ZNF670: variants seen among roughly 807,000 people sequenced by gnomAD.
ZNF670 encodes zinc finger protein 670.
ZNF670 carries 7 observed loss-of-function variants against 10.9 expected under a neutral mutation model. That is an observed-to-expected ratio of 0.64 (90% CI 0.36 to 1.20). The LOEUF (loss-of-function observed/expected upper bound fraction) is 1.20, where lower values mean the gene tolerates loss of function less well. Among genes scored for constraint, ZNF670 ranks in the 50% most tolerant of loss-of-function variants. ZNF670 has a pLI of 0.02. For synonymous variants in ZNF670, 136 were observed against 152.7 expected, an observed-to-expected ratio of 0.89 and a Z score of 0.81; for missense variants, 446 against 458.6, an observed-to-expected ratio of 0.97 and a Z score of 0.25.
chr1:247,041,761 C>T (rs1035773132), intron 1 of ZNF670, among the ~76,000 whole-genome samples: 7 of 152,174 alleles, frequency 4.6e-5, no homozygotes, highest in African/African-American at 7.2e-5. Flanking sequence ...TTAAAATGGA[C>T]GGCTGAATTA....
chr1:247,054,888 T>C (rs149938674), intron 1 of ZNF670, among the ~76,000 whole-genome samples: 1 of 152,028 alleles, frequency 6.6e-6, no homozygotes, highest in African/African-American at 2.4e-5. Context: ...AAACATACAA[T>C]GGATACATAA....
intron 1 of ZNF670, among the ~76,000 whole-genome samples, chr1:247,063,548 A>G (rs1042883364): frequency 2.8e-5 from 4 of 142,508 alleles, no homozygotes; most frequent in African/African-American, 5.3e-5. Flanking sequence ...GTGCCACTGC[A>G]CTCCAGCCTG....
At chr1:247,077,266 G>A (rs553490887) in intron 1 of ZNF670, among the ~76,000 whole-genome samples, 1 of 152,312 alleles carries the variant, frequency 6.6e-6, no homozygotes, top group East Asian at 1.9e-4. Context: ...CCCAGATGCT[G>A]CCTGGAGAGG....
Position 247,049,498 on chromosome 1 carries a change from T to G in ZNF670, c.4-9961A>C, listed in dbSNP as rs556362513. Among the ~76,000 whole-genome samples the G allele has an allele frequency of 2.6e-5, 4 of 152,336 alleles. No homozygotes were observed. The East Asian group carries it at 7.7e-4, about 29-fold the overall frequency. On this transcript the variant is annotated intron_variant, in intron 1 of 3. Transcript: ENST00000366503. ...TTTGTTTCATTTATCTTTTGTATTT[T>G]TTGTTTGTTTCAATTTCATTTAGTT...
At chr1:247,045,434 G>A (rs1670416888) in intron 1 of ZNF670, among the ~76,000 whole-genome samples, 2 of 152,072 alleles carry the variant, frequency 1.3e-5, no homozygotes, top group Non-Finnish European at 2.9e-5. Context: ...TGGTTCACAG[G>A]AGAGCCGGGT....
At chr1:247,042,384 G>T (rs1565897) in intron 1 of ZNF670, among the ~76,000 whole-genome samples, 48,419 of 152,034 alleles carry the variant, frequency 0.32, 8,391 homozygotes, top group African/African-American at 0.43. Context: ...GATGGTCACG[G>T]GCAGAGATGT....
Position 247,072,804 on chromosome 1 carries a change from G to GTATATATATATATATATA in ZNF670, c.3+5772_3+5789dup, listed in dbSNP as rs74163726. On this transcript the variant is annotated intron_variant, in intron 1 of 3. Transcript: ENST00000366503. ...CTCTGTCTCAAAAAAAAAAGTGTGT[G>GTATATATATATATATATA]TATATATATATATATATATATATAT... Among the ~76,000 whole-genome samples the GTATATATATATATATATA allele has an allele frequency of 3.1e-3, 147 of 47,510 alleles. 2 individuals carry two copies. Among genetic ancestry groups the GTATATATATATATATATA allele is most frequent in the Admixed American group, 5.5e-3 (20 of 3,610 alleles). 31.2% of individuals were successfully genotyped at this position (47,510 alleles called of 152,430 possible). A position where few individuals can be genotyped will look rare whatever the true frequency, so the allele number is the denominator to read the frequency against.
intron 1 of ZNF670, among the ~76,000 whole-genome samples, chr1:247,066,472 G>A (rs1287103573): frequency 6.6e-6 from 1 of 152,176 alleles, no homozygotes; most frequent in African/African-American, 2.4e-5. Flanking sequence ...CAGAGGTTTG[G>A]TGCAGTATTG....
intron 1 of ZNF670, among the ~76,000 whole-genome samples, chr1:247,049,059 A>G: frequency 7.2e-6 from 1 of 139,438 alleles, no homozygotes; most frequent in African/African-American, 2.7e-5. Context: ...AATCTTTTGT[A>G]TTTCTGTTGT....
chr1:247,048,096 T>C (rs1003332697), intron 1 of ZNF670, among the ~76,000 whole-genome samples: 1 of 152,202 alleles, frequency 6.6e-6, no homozygotes, highest in Non-Finnish European at 1.5e-5. Flanking sequence ...GGCTGAAAAT[T>C]TTCCAAACGT....
intron 1 of ZNF670, among the ~76,000 whole-genome samples, chr1:247,072,804 G>GTATATATATATATATACATATA (rs1671159347): frequency 2.1e-5 from 1 of 47,664 alleles, no homozygotes; most frequent in Non-Finnish European, 3.6e-5. Context: ...AAAAGTGTGT[G>GTATATATATATATATACATATA]TATATATATA....
rs189302360 is a variant in ZNF670 at position 247,067,568 on chromosome 1, C to T, written c.3+11026G>A. 6.7e-3 allele frequency among the ~76,000 whole-genome samples: 1,011 copies of T among 150,448 alleles called. 14 individuals carry two copies. Among genetic ancestry groups the T allele is most frequent in the African/African-American group, 0.023 (928 of 40,956 alleles). On this transcript the variant is annotated intron_variant, in intron 1 of 3. Transcript: ENST00000366503. ...TTAAAAAGCTCCAGCACAGGCCGGG[C>T]GCGGTGGCTCACGCCTGTAATCCCA...
In ZNF670 at chr1:247,047,283, T is replaced by A. The variant is rs550157755; in HGVS notation, c.4-7746A>T. 4.6e-5 allele frequency among the ~76,000 whole-genome samples: 7 copies of A among 152,330 alleles called. No homozygotes were observed. In the East Asian group the frequency reaches 7.7e-4, roughly 17 times the overall value. ...ATTTCCCTTCCACACTGCCCTAGCATAGATTCCCTATGTGGGCTACACCAC... is the reference window on the plus strand; with the variant it reads ...ATTTCCCTTCCACACTGCCCTAGCAAAGATTCCCTATGTGGGCTACACCAC... On this transcript the variant is annotated intron_variant, in intron 1 of 3. Transcript: ENST00000366503.
intron 1 of ZNF670, among the ~76,000 whole-genome samples, chr1:247,060,621 T>C (rs556097358): frequency 1.7e-4 from 26 of 152,342 alleles, no homozygotes; most frequent in African/African-American, 6.3e-4. Context: ...GGGAACTCCG[T>C]ACTATCTGCC....
At chr1:247,044,987 CAAT>C (rs1439018176) in intron 1 of ZNF670, among the ~76,000 whole-genome samples, 1 of 151,458 alleles carries the variant, frequency 6.6e-6, no homozygotes, top group Non-Finnish European at 1.5e-5. Context: ...TTCACATTCA[CAAT>C]AAAAGGCAAA....
rs572013715 is a variant in ZNF670, at chr1:247,038,350, A to G, written c.269T>C (p.Leu90Ser). 6 of 1,614,160 alleles carry G rather than the reference A, an allele frequency of 3.7e-6. No homozygotes were observed. The South Asian group carries it at 4.4e-5, about 12-fold the overall frequency. Residue 90 changes from leucine (L) to serine (S), a missense_variant, in exon 4 of 4, where the codon TTG becomes TCG. By Grantham distance (145) the Leu-to-Ser change is moderately radical (BLOSUM62 -2). Transcript: ENST00000366503. ...AGTAGAAACTTTCTTATTCAGATTC[A>G]AATTTGAATCCTGGCTGAAGGTTTC... The part of the protein sequence containing the change: ...YGETFSQDSN[L>S]NLNKKVSTGV...
rs778307113 is a variant in ZNF670 at position 247,038,843 on chromosome 1, T to C, written c.158A>G (p.Gln53Arg). 1 of 1,613,068 alleles carries C rather than the reference T, an allele frequency of 6.2e-7. No individual in the cohort carries two copies. The highest frequency in any genetic ancestry group is 1.1e-5 in the South Asian group (1 of 91,002). ...TCTCCCAGGATTTTTGAAGTCATCT[T>C]GGATATTCTGGTCTTCTGATTTGTT... The part of the protein sequence containing the change: ...VGNKSEDQNI[Q>R]DDFKNPGRNL... The change falls in exon 3 of 4, where the codon CAA becomes CGA. Residue 53 changes from glutamine to arginine, a missense_variant. Coordinates refer to ENST00000366503, the MANE Select transcript of ZNF670 (RefSeq NM_033213.5).
At chr1:247,048,574 C>T (rs956568520) in intron 1 of ZNF670, among the ~76,000 whole-genome samples, 1 of 152,180 alleles carries the variant, frequency 6.6e-6, no homozygotes, top group Non-Finnish European at 1.5e-5. Context: ...ATAGCACCAC[C>T]CCACTCTCTA....
At chr1:247,047,513 C>T (rs942355949) in intron 1 of ZNF670, among the ~76,000 whole-genome samples, 2 of 152,094 alleles carry the variant, frequency 1.3e-5, no homozygotes, top group African/African-American at 4.8e-5. Context: ...TATTTCCATA[C>T]ATCCTCTGAA....
Sources: gnomAD v4.1 joint callset for allele counts (sites outside exome capture counted in the v4.1 genomes callset) on GRCh38, gnomAD v4.1.1 for gene constraint, MANE v1.5 for transcripts, NCBI Gene and HGNC (gene_info 2026-07-23, HGNC 2026-07-21) for gene names.